FHIP1A: variants seen among roughly 807,000 people sequenced by gnomAD.
The protein encoded by FHIP1A is FHF complex subunit HOOK interacting protein 1A, also known as FHF complex subunit HOOK-interacting protein 1A.
A neutral mutation model predicts 88.6 loss-of-function variants in FHIP1A; 61 were observed. The ratio of observed to expected loss-of-function variants is 0.69; its 90% CI spans 0.56 to 0.85. FHIP1A has a LOEUF of 0.85. Ranked by LOEUF, FHIP1A falls within the 40% of genes least tolerant of loss-of-function variation. The probability of loss-of-function intolerance (pLI) is 0.00; values close to 1 mark genes in which losing one functional copy is unlikely to be tolerated. For missense variants in FHIP1A, 1,154 were observed against 1,273.5 expected (o/e 0.91, Z 1.43); for synonymous variants, 478 against 496.0 (o/e 0.96, Z 0.48).
chr4:151,601,270 A>G (rs1388535236), intron 7 of FHIP1A, among the ~76,000 whole-genome samples: 2 of 152,098 alleles, frequency 1.3e-5, no homozygotes, highest in African/African-American at 4.8e-5. Context: ...ACCATGGGAA[A>G]AAGGTCCATA....
At chr4:151,457,956 T>C (rs1729022353) in intron 2 of FHIP1A, among the ~76,000 whole-genome samples, 1 of 152,258 alleles carries the variant, frequency 6.6e-6, no homozygotes, top group Admixed American at 6.5e-5. Flanking sequence ...TACCAGTTTA[T>C]GGTCCCTGTA....
chr4:151,566,230 T>G lies in FHIP1A; in HGVS notation c.-30T>G, dbSNP rs749631219. On this transcript the variant is annotated 5_prime_UTR_variant, in exon 4 of 14. It removes an upstream start codon present in the reference 5' UTR. Transcript: ENST00000435205. ...ACCAAATTTTAATGAAAATTAAATA[T>G]GACTTAGAAGCATTGATTTATGAAG... is the stretch of plus-strand genomic sequence containing the variant. 7 of 1,372,480 alleles carry G rather than the reference T, an allele frequency of 5.1e-6. No homozygotes were observed. The East Asian group carries it at 1.8e-4, about 35-fold the overall frequency. The allele number at this position is 1,372,480 out of a possible 1,614,324, so 85.0% of individuals were successfully genotyped here. A position where few individuals can be genotyped will look rare whatever the true frequency, so the allele number is the denominator to read the frequency against.
At chr4:151,642,381 C>T (rs561640877) in intron 9 of FHIP1A, among the ~76,000 whole-genome samples, 2 of 152,122 alleles carry the variant, frequency 1.3e-5, no homozygotes, top group African/African-American at 4.8e-5. Flanking sequence ...GGTTGTTTTG[C>T]CTGAAGAGAA....
chr4:151,453,640 C>T (rs563136848), intron 1 of FHIP1A, among the ~76,000 whole-genome samples: 8 of 152,250 alleles, frequency 5.3e-5, no homozygotes, highest in Admixed American at 1.3e-4. Context: ...CACCTGAGGT[C>T]GGGAGTTCGA....
chr4:151,603,576 A>G (rs1040590211), intron 7 of FHIP1A, among the ~76,000 whole-genome samples: 3 of 152,168 alleles, frequency 2.0e-5, no homozygotes, highest in African/African-American at 7.2e-5. Context: ...TCTGGGGCTG[A>G]GTATTTGACC....
chr4:151,657,812 C>T (rs910818198), intron 13 of FHIP1A, among the ~76,000 whole-genome samples: 2 of 152,200 alleles, frequency 1.3e-5, no homozygotes, highest in Non-Finnish European at 1.5e-5. Flanking sequence ...GCAATTGTTC[C>T]ACCTTTCAAA....
At chr4:151,410,369 A>G (rs7675933) in intron 1 of FHIP1A, among the ~76,000 whole-genome samples, 18,898 of 152,210 alleles carry the variant, frequency 0.12, 1,296 homozygotes, top group African/African-American at 0.17. Flanking sequence ...AATGCCTAAC[A>G]ATTGTTGCTT....
intron 7 of FHIP1A, among the ~76,000 whole-genome samples, chr4:151,596,246 C>A (rs1734643847): frequency 6.6e-6 from 1 of 152,132 alleles, no homozygotes; most frequent in Non-Finnish European, 1.5e-5. Flanking sequence ...TCCGCATTTG[C>A]TTGTCTGTAA....
intron 1 of FHIP1A, among the ~76,000 whole-genome samples, chr4:151,410,989 G>A (rs1022760955): frequency 6.6e-6 from 1 of 152,220 alleles, no homozygotes; most frequent in African/African-American, 2.4e-5. Flanking sequence ...GGACATCACT[G>A]AAGTGGATTC....
intron 3 of FHIP1A, among the ~76,000 whole-genome samples, chr4:151,532,182 GTCT>G (rs953116945): frequency 6.6e-6 from 1 of 152,132 alleles, no homozygotes; most frequent in African/African-American, 2.4e-5. Context: ...CAAGCTCAGA[GTCT>G]TCATTATTTT....
chr4:151,566,740 A>G (rs905677683), intron 4 of FHIP1A, among the ~76,000 whole-genome samples: 8 of 152,146 alleles, frequency 5.3e-5, no homozygotes, highest in African/African-American at 1.9e-4. Context: ...ACTAAAATAC[A>G]CATTTATTAA....
chr4:151,503,697 G>A (rs1730729527), intron 3 of FHIP1A, among the ~76,000 whole-genome samples: 1 of 152,126 alleles, frequency 6.6e-6, no homozygotes, highest in South Asian at 2.1e-4. Flanking sequence ...TGAAAAAAAT[G>A]CTGAATTCTT....
chr4:151,575,885 C>T (rs1733769272), intron 4 of FHIP1A, among the ~76,000 whole-genome samples: 1 of 152,116 alleles, frequency 6.6e-6, no homozygotes, highest in African/African-American at 2.4e-5. Context: ...AACCTAAGTA[C>T]TTGCACAGAA....
intron 2 of FHIP1A, among the ~76,000 whole-genome samples, chr4:151,460,300 A>G (rs1729103137): frequency 6.6e-6 from 1 of 152,148 alleles, no homozygotes. Context: ...TTTATTTCCC[A>G]TGGCTGGACA....
chr4:151,524,268 C>T (rs1462993247), intron 3 of FHIP1A, among the ~76,000 whole-genome samples: 2 of 150,634 alleles, frequency 1.3e-5, no homozygotes, highest in East Asian at 1.9e-4. Context: ...TGCCACTGCT[C>T]TCCAGCCTGG....
At chr4:151,477,007 T>G (rs989191280) in intron 2 of FHIP1A, among the ~76,000 whole-genome samples, 1 of 152,066 alleles carries the variant, frequency 6.6e-6, no homozygotes, top group Non-Finnish European at 1.5e-5. Context: ...AATGGAAAGG[T>G]CCCATCATAT....
At chr4:151,471,878 C>T (rs889107367) in intron 2 of FHIP1A, among the ~76,000 whole-genome samples, 8 of 152,120 alleles carry the variant, frequency 5.3e-5, no homozygotes, top group Non-Finnish European at 1.5e-5. Flanking sequence ...TTTGTTTTTT[C>T]CATTCCTGGG....
At chr4:151,510,116 CT>C (rs1261842400) in intron 3 of FHIP1A, among the ~76,000 whole-genome samples, 2 of 149,406 alleles carry the variant, frequency 1.3e-5, no homozygotes, top group African/African-American at 4.9e-5. Context: ...TTTTTTTTTT[CT>C]TTTTTTGGAG....
At chr4:151,458,055 T>C (rs1729024770) in intron 2 of FHIP1A, among the ~76,000 whole-genome samples, 1 of 152,234 alleles carries the variant, frequency 6.6e-6, no homozygotes. Flanking sequence ...GCCAGGCACA[T>C]GTGCTATCTT....
Sources: gnomAD v4.1 joint callset for allele counts (sites outside exome capture counted in the v4.1 genomes callset) on GRCh38, gnomAD v4.1.1 for gene constraint, MANE v1.5 for transcripts, NCBI Gene and HGNC (gene_info 2026-07-23, HGNC 2026-07-21) for gene names.